ANK2: variants seen among roughly 807,000 people sequenced by gnomAD.
ANK2 encodes the protein ankyrin-2.
A neutral mutation model predicts 360.5 loss-of-function variants in ANK2; 83 were observed. The ratio of observed to expected loss-of-function variants is 0.23; its 90% confidence interval spans 0.19 to 0.28. ANK2 has a LOEUF of 0.28. ANK2 is among the 10% of genes least tolerant of loss of function. The probability of loss-of-function intolerance (pLI) is 1.00; values close to 1 mark genes in which losing one functional copy is unlikely to be tolerated. For synonymous variants in ANK2, 1,740 were observed against 1,759.5 expected (o/e 0.99, Z 0.28); for missense variants, 4,201 against 4,795.7 (o/e 0.88, Z 3.66).
intron 10 of ANK2, among the ~76,000 whole-genome samples, chr4:113,253,099 G>A (rs888233386): frequency 6.6e-6 from 1 of 152,124 alleles, no homozygotes; most frequent in Non-Finnish European, 1.5e-5. Flanking sequence ...TCTATCCAGT[G>A]ACATGACTTG....
chr4:113,358,864 G>A lies in ANK2; in HGVS notation c.10246G>A (p.Glu3416Lys). 2 of 1,614,110 alleles carry A rather than the reference G, an allele frequency of 1.2e-6. No homozygotes were observed. The highest frequency in any genetic ancestry group is 1.7e-6 in the Non-Finnish European group (2 of 1,179,978). Reference sequence around the variant, plus strand: ...CCGAAGTTACACTGAGACAGAAACAGAGAGCAGAGAGAGGGCCGAGGAACT... The same window carrying A: ...CCGAAGTTACACTGAGACAGAAACAAAGAGCAGAGAGAGGGCCGAGGAACT... The part of the protein sequence containing the change: ...KTRSYTETET[E>K]SRERAEELEL... The change falls in exon 38 of 46, where the codon GAG (glutamate) becomes AAG (lysine). Residue 3416 changes from glutamate to lysine, a missense_variant. By Grantham distance (56) the Glu-to-Lys change is moderately conservative. Transcript: ENST00000357077.
At chr4:113,341,649 CT>C in intron 32 of ANK2, 38 bp from the exon 33 acceptor site, 2 of 1,598,412 alleles carry the variant, frequency 1.3e-6, no homozygotes, top group African/African-American at 2.7e-5. Context: ...ACATGGTATA[CT>C]TTGAACTTTA....
Position 113,336,659 on chromosome 4 carries a change from G to A in ANK2, c.3674G>A (p.Arg1225Lys). 1 of 1,614,156 alleles carries A rather than the reference G, an allele frequency of 6.2e-7. No individual in the cohort carries two copies. Among genetic ancestry groups the A allele is most frequent in the East Asian group, 2.2e-5 (1 of 44,868 alleles). ...TFSPIVTLEP[R>K]RRKFHKPITM... Reference sequence around the variant, plus strand: ...AGCCCTATAGTCACTTTGGAACCTAGAAGAAGAAAATTCCACAAACCAATT... The same window carrying A: ...AGCCCTATAGTCACTTTGGAACCTAAAAGAAGAAAATTCCACAAACCAATT... Residue 1225 changes from arginine (R) to lysine (K), a missense_variant, in exon 31 of 46, where the codon AGA (arginine) becomes AAA (lysine). Around this residue, in one of 4 missense-constraint regions of ANK2, gnomAD observed 1,268 missense variants for 1,650.8 expected, o/e 0.77. Coordinates refer to ENST00000357077, the MANE Select transcript of ANK2 (RefSeq NM_001148.6).
chr4:113,048,248 G>GTATATATATATA (rs869196489), upstream of ANK2, among the ~76,000 whole-genome samples: 32 of 36,252 alleles, frequency 8.8e-4, no homozygotes, highest in Admixed American at 2.5e-3. Context: ...CTACAAGTGT[G>GTATATATATATA]TATATATATA....
chr4:112,925,457 A>G (rs996228564), intron 2 of ANK2, among the ~76,000 whole-genome samples: 1 of 152,186 alleles, frequency 6.6e-6, no homozygotes, highest in Non-Finnish European at 1.5e-5. Flanking sequence ...GATACAAAAG[A>G]TATATCTGCA....
intron 1 of ANK2, among the ~76,000 whole-genome samples, chr4:113,075,013 A>G (rs1178759904): frequency 6.6e-6 from 1 of 152,184 alleles, no homozygotes; most frequent in Non-Finnish European, 1.5e-5. Flanking sequence ...TCCTCAGATG[A>G]GCAGCATTGG....
intron 1 of ANK2, among the ~76,000 whole-genome samples, chr4:113,155,222 T>G (rs1306990490): frequency 6.6e-6 from 1 of 152,214 alleles, no homozygotes; most frequent in Non-Finnish European, 1.5e-5. Context: ...ATTGGATGCC[T>G]ACTATTCCAA....
At chr4:112,970,651 C>T (rs1016113985) in intron 2 of ANK2, among the ~76,000 whole-genome samples, 1 of 152,106 alleles carries the variant, frequency 6.6e-6, no homozygotes, top group Non-Finnish European at 1.5e-5. Context: ...TGTTTCAGGG[C>T]AGCTTATAAC....
At chr4:112,745,554 A>G in the ANK2 span, among the ~76,000 whole-genome samples, 1 of 119,266 alleles carries the variant, frequency 8.4e-6, no homozygotes, top group Admixed American at 1.0e-4. Flanking sequence ...TTTTTTTGAG[A>G]CAGAGTTTCG....
At chr4:113,379,757 A>G (rs543458164) in intron 45 of ANK2, among the ~76,000 whole-genome samples, 11 of 152,258 alleles carry the variant, frequency 7.2e-5, no homozygotes, top group Non-Finnish European at 1.2e-4. Context: ...GTAGAAGAAC[A>G]TAAGGGAAGA....
At chr4:113,062,133 A>G (rs1262864114) in intron 1 of ANK2, among the ~76,000 whole-genome samples, 1 of 152,100 alleles carries the variant, frequency 6.6e-6, no homozygotes, top group African/African-American at 2.4e-5. Flanking sequence ...TCTTGTCTAA[A>G]GCAGAATTAT....
At chr4:112,983,862 T>C (rs1578339605) in intron 2 of ANK2, among the ~76,000 whole-genome samples, 1 of 152,140 alleles carries the variant, frequency 6.6e-6, no homozygotes, top group Non-Finnish European at 1.5e-5. Context: ...CTTACATGAT[T>C]TGGTAGAAAC....
rs576414413 is a variant in ANK2 at position 113,221,285 on chromosome 4, A to ACTTACT, written c.385-10876_385-10875insCTTACT. ...GGAGCAACATCACAATATGTATTAAAGGTTTGTTTTCATTATAACTTACTG... is the reference window on the plus strand; with the variant it reads ...GGAGCAACATCACAATATGTATTAAACTTACTGGTTTGTTTTCATTATAACTTACTG... On this transcript the variant is annotated intron_variant, in intron 4 of 45. Coordinates refer to ENST00000357077, the MANE Select transcript of ANK2 (RefSeq NM_001148.6). Among the ~76,000 whole-genome samples, 942 of 152,300 alleles carry ACTTACT rather than the reference A, an allele frequency of 6.2e-3. 7 individuals carry two copies. The highest frequency in any genetic ancestry group is 0.021 in the African/African-American group (880 of 41,560).
At chr4:112,856,906 G>T (rs898295162) in intron 1 of ANK2, among the ~76,000 whole-genome samples, 5 of 152,146 alleles carry the variant, frequency 3.3e-5, no homozygotes, top group Non-Finnish European at 7.3e-5. Flanking sequence ...GCAGAATTAG[G>T]GGGTCAGGGT....
At chr4:113,249,427 A>G (rs1233158440) in intron 9 of ANK2, among the ~76,000 whole-genome samples, 1 of 152,228 alleles carries the variant, frequency 6.6e-6, no homozygotes, top group Non-Finnish European at 1.5e-5. Context: ...CAAATGCCAC[A>G]TACTGTGCTT....
intron 2 of ANK2, among the ~76,000 whole-genome samples, chr4:113,001,878 T>C (rs1466551931): frequency 6.6e-6 from 1 of 152,178 alleles, no homozygotes; most frequent in Admixed American, 6.5e-5. Flanking sequence ...TTCCATGTAG[T>C]TATTTCTCCA....
At chr4:113,131,134 G>A (rs535488793) in intron 1 of ANK2, among the ~76,000 whole-genome samples, 1 of 152,246 alleles carries the variant, frequency 6.6e-6, no homozygotes, top group South Asian at 2.1e-4. Context: ...TAATCCTCCT[G>A]TTTTCAATTC....
intron 1 of ANK2, among the ~76,000 whole-genome samples, chr4:112,852,170 A>G (rs915274728): frequency 6.6e-6 from 1 of 152,254 alleles, no homozygotes; most frequent in Admixed American, 6.5e-5. Context: ...ATTCTCCAAC[A>G]TGTAACAGAA....
intron 1 of ANK2, among the ~76,000 whole-genome samples, chr4:112,829,293 T>C (rs1203283190): frequency 2.0e-5 from 3 of 152,050 alleles, no homozygotes; most frequent in African/African-American, 2.4e-5. Context: ...ATTACTGTAT[T>C]AGAGTCTATT....
Sources: allele counts gnomAD v4.1 joint callset (sites outside exome capture counted in the v4.1 genomes callset), GRCh38; gene constraint gnomAD v4.1.1; regional missense constraint gnomAD v4.1.1; transcripts MANE v1.5; gene names NCBI Gene and HGNC (gene_info 2026-07-23, HGNC 2026-07-21).